Variants in CCDC73 observed in about 807,000 individuals in gnomAD.
The protein encoded by CCDC73 is coiled-coil domain-containing protein 73.
A neutral mutation model predicts 116.5 loss-of-function variants in CCDC73; 95 were observed. The ratio of observed to expected loss-of-function variants is 0.82; its 90% CI spans 0.69 to 0.97. CCDC73 has a LOEUF of 0.97. Ranked by LOEUF, CCDC73 falls within the 50% of genes least tolerant of loss-of-function variation. The pLI, the probability that CCDC73 is intolerant of heterozygous loss-of-function variation, is 0.00. For missense variants in CCDC73, 1,066 were observed against 1,206.8 expected, an observed-to-expected ratio of 0.88 and a Z score of 1.73; for synonymous variants, 398 against 401.3, an observed-to-expected ratio of 0.99 and a Z score of 0.10.
intron 1 of CCDC73, among the ~76,000 whole-genome samples, chr11:32,782,937 A>G (rs1336548253): frequency 6.6e-6 from 1 of 152,154 alleles, no homozygotes; most frequent in Non-Finnish European, 1.5e-5. Context: ...AGAAAATTAG[A>G]GGATTAATCC....
At chr11:32,641,715 G>GTATATATATATA (rs56262743) in intron 13 of CCDC73, among the ~76,000 whole-genome samples, 246 of 148,916 alleles carry the variant, frequency 1.7e-3, no homozygotes, top group Middle Eastern at 0.011. Flanking sequence ...ATATGTGTGT[G>GTATATATATATA]TATATATATA....
intron 2 of CCDC73, among the ~76,000 whole-genome samples, chr11:32,746,785 T>C (rs1331033723): frequency 6.6e-6 from 1 of 152,188 alleles, no homozygotes; most frequent in Admixed American, 6.5e-5. Context: ...ATCAGGTCAC[T>C]TAAGCTCTTC....
chr11:32,676,175 G>A (rs1353874695), intron 7 of CCDC73, among the ~76,000 whole-genome samples, 154 bp from the exon 8 acceptor site: 1 of 152,178 alleles, frequency 6.6e-6, no homozygotes, highest in African/African-American at 2.4e-5. Context: ...AAACTGTAAG[G>A]AGGAAATATT....
At chr11:32,731,979 G>A (rs979364060) in intron 2 of CCDC73, among the ~76,000 whole-genome samples, 4 of 152,170 alleles carry the variant, frequency 2.6e-5, no homozygotes, top group Non-Finnish European at 4.4e-5. Flanking sequence ...CGAGCTAAAG[G>A]AGCATGTTCG....
At position 32,699,494 on chromosome 11, in the gene CCDC73, T is replaced by G. The variant is rs559696207; in HGVS notation, c.316-169A>C. 4.2e-4 allele frequency among the ~76,000 whole-genome samples: 64 copies of G among 152,146 alleles called. No individual in the cohort carries two copies. The South Asian group carries it at 6.2e-3, about 15-fold the overall frequency. ...AAGAGCTCAAGAACCAAAATCTCAA[T>G]GATAGACTGGATTAAGAAAATGTGG... On this transcript the variant is annotated intron_variant, in intron 5 of 17. Coordinates refer to ENST00000335185, the MANE Select transcript of CCDC73 (RefSeq NM_001008391.4).
chr11:32,732,727 T>C (rs1179973754), intron 2 of CCDC73, among the ~76,000 whole-genome samples: 2 of 152,194 alleles, frequency 1.3e-5, no homozygotes, highest in South Asian at 2.1e-4. Context: ...CTGAGAGATT[T>C]TGTCACCACC....
rs375968696 is a variant in CCDC73 at position 32,755,309 on chromosome 11, G to A, written c.135+4800C>T. The stretch of plus-strand genomic sequence containing the variant: ...CCAGCACTTTGGGAGGCTGAGGTGG[G>A]TGGATCACGAGGTCAGGAGATCGAG... On this transcript the variant is annotated intron_variant, in intron 2 of 17. Coordinates refer to ENST00000335185, the MANE Select transcript of CCDC73 (RefSeq NM_001008391.4). Among the ~76,000 whole-genome samples the A allele has an allele frequency of 2.2e-4, 32 of 144,378 alleles. No individual in the cohort carries two copies. The South Asian group carries it at 6.9e-3, about 31-fold the overall frequency. The allele number at this position is 144,378 out of a possible 152,430, so 94.7% of individuals were successfully genotyped here.
intron 12 of CCDC73, among the ~76,000 whole-genome samples, chr11:32,645,946 T>C (rs947501878): frequency 2.0e-5 from 3 of 152,202 alleles, no homozygotes; most frequent in African/African-American, 7.2e-5. Context: ...ATATTTATAG[T>C]GTGTATAATA....
At chr11:32,797,009 C>CAAAAAA (rs1163144111), upstream of CCDC73, among the ~76,000 whole-genome samples, 3 of 74,620 alleles carry the variant, frequency 4.0e-5, no homozygotes, top group Non-Finnish European at 4.9e-5. Flanking sequence ...GAGACTGCCT[C>CAAAAAA]AAAAAAAAAA....
chr11:32,670,267 A>C (rs1856023741), intron 9 of CCDC73, among the ~76,000 whole-genome samples: 1 of 152,220 alleles, frequency 6.6e-6, no homozygotes, highest in Admixed American at 6.5e-5. Context: ...TCACACCTGT[A>C]ATCCCAGCAC....
At chr11:32,651,286 C>T (rs1565066577) in intron 12 of CCDC73, among the ~76,000 whole-genome samples, 1 of 152,184 alleles carries the variant, frequency 6.6e-6, no homozygotes, top group Admixed American at 6.5e-5. Context: ...AGACCCCCAC[C>T]AAGTCACCTG....
At chr11:32,748,187 G>T (rs1273336996) in intron 2 of CCDC73, among the ~76,000 whole-genome samples, 1 of 151,022 alleles carries the variant, frequency 6.6e-6, no homozygotes, top group Non-Finnish European at 1.5e-5. Flanking sequence ...TTTTTTTTCT[G>T]GTTGTTTTGT....
At chr11:32,820,161 C>CT in the CCDC73 span, among the ~76,000 whole-genome samples, 4 of 151,426 alleles carry the variant, frequency 2.6e-5, no homozygotes, top group Non-Finnish European at 4.4e-5. Flanking sequence ...TGAACTGGAA[C>CT]TTTTTTTTTG....
Position 32,655,742 on chromosome 11 carries a change from GAGT to G in CCDC73, c.646-773_646-771del, listed in dbSNP as rs200292419. On this transcript the variant is annotated intron_variant, in intron 9 of 17. Coordinates refer to ENST00000335185, the MANE Select transcript of CCDC73 (RefSeq NM_001008391.4). ...GGGGAATTAACCACTGAAGGATTCT[GAGT>G]AGAAGAATGACATAACAAAATTTGC... Among the ~76,000 whole-genome samples, 1,087 of 152,276 alleles carry G rather than the reference GAGT, an allele frequency of 7.1e-3. 16 individuals carry two copies. The highest frequency in any genetic ancestry group is 0.025 in the African/African-American group (1,048 of 41,540).
In CCDC73 at chr11:32,699,243, AT is replaced by A; in HGVS notation, c.390+7del. 2 of 1,575,088 alleles carry A rather than the reference AT, an allele frequency of 1.3e-6. No homozygotes were observed. Among genetic ancestry groups the A allele is most frequent in the South Asian group, 1.1e-5 (1 of 87,628 alleles). On this transcript the variant is annotated splice_region_variant and intron_variant, in intron 6 of 17. Transcript: ENST00000335185. ...ACTACTTTTTAAACAATACGTAGTT[AT>A]TTTTACCTGTAGTGCTTTTAATGTT...
At chr11:32,665,039 C>A (rs1198388580) in intron 9 of CCDC73, among the ~76,000 whole-genome samples, 1 of 152,138 alleles carries the variant, frequency 6.6e-6, no homozygotes, top group Non-Finnish European at 1.5e-5. Flanking sequence ...GTTATAATTT[C>A]TGTTCTTCTA....
rs566853533 is a variant in CCDC73, at chr11:32,744,414, T to G, written c.135+15695A>C. ...CCAGGCTTTGGTATAAGAATGATGC[T>G]GGCCTCATAAAATGATTTAGGGAGG... On this transcript the variant is annotated intron_variant, in intron 2 of 17. Coordinates refer to ENST00000335185, the MANE Select transcript of CCDC73 (RefSeq NM_001008391.4). Among the ~76,000 whole-genome samples, 170 of 152,166 alleles carry G rather than the reference T, an allele frequency of 1.1e-3. 2 individuals carry two copies. In the South Asian group the frequency reaches 0.014, roughly 13 times the overall value.
At chr11:32,692,995 A>C (rs538071211) in intron 6 of CCDC73, among the ~76,000 whole-genome samples, 1 of 152,216 alleles carries the variant, frequency 6.6e-6, no homozygotes, top group Non-Finnish European at 1.5e-5. Context: ...TTTGAAATGA[A>C]CTAACAAGGT....
chr11:32,761,821 C>T (rs1161665548), intron 1 of CCDC73, among the ~76,000 whole-genome samples: 7 of 152,034 alleles, frequency 4.6e-5, no homozygotes, highest in African/African-American at 7.2e-5. Context: ...ACAATTGTGG[C>T]GGCTGACAAC....
Sources: gnomAD v4.1 joint callset for allele counts (sites outside exome capture counted in the v4.1 genomes callset) on GRCh38, gnomAD v4.1.1 for gene constraint, MANE v1.5 for transcripts, NCBI Gene and HGNC (gene_info 2026-07-23, HGNC 2026-07-21) for gene names.